LARGE1: variants seen among roughly 807,000 people sequenced by gnomAD.
LARGE1 encodes the protein xylosyl- and glucuronyltransferase LARGE1.
A neutral mutation model predicts 87.6 loss-of-function variants in LARGE1; 43 were observed. The observed-to-expected ratio is 0.49, with a 90% confidence interval of 0.38 to 0.63. The LOEUF is 0.63. Among genes scored for constraint, LARGE1 ranks in the 30% least tolerant of loss-of-function variants. The pLI is 0.00. For synonymous variants in LARGE1, 434 were observed against 394.6 expected, an observed-to-expected ratio of 1.10 and a Z score of -1.18; for missense variants, 802 against 1,000.2, an observed-to-expected ratio of 0.80 and a Z score of 2.67.
chr22:33,316,020 A>C, intron 11 of LARGE1, 65 bp downstream of exon 11: 7 of 1,548,834 alleles, frequency 4.5e-6, no homozygotes, highest in Non-Finnish European at 5.3e-6. Context: ...ACCCTTCTCC[A>C]TTCTCTATCC....
At chr22:33,481,187 T>A (rs1311588703) in intron 6 of LARGE1, among the ~76,000 whole-genome samples, 1 of 151,446 alleles carries the variant, frequency 6.6e-6, no homozygotes, top group Non-Finnish European at 1.5e-5. Context: ...GTATTTACAT[T>A]TTTCATACCT....
intron 1 of LARGE1, among the ~76,000 whole-genome samples, chr22:33,789,830 T>C (rs150607733): frequency 6.6e-6 from 1 of 152,356 alleles, no homozygotes; most frequent in African/African-American, 2.4e-5. Flanking sequence ...CCATTGTATC[T>C]AGGAAGTAAC....
the LARGE1 span, among the ~76,000 whole-genome samples, chr22:33,093,263 G>C: frequency 6.6e-6 from 1 of 152,188 alleles, no homozygotes; most frequent in Non-Finnish European, 1.5e-5. Context: ...CCGAATGGTT[G>C]TAACTGTAAG....
At chr22:33,447,596 CAACA>C (rs2067735725) in intron 6 of LARGE1, among the ~76,000 whole-genome samples, 1 of 152,212 alleles carries the variant, frequency 6.6e-6, no homozygotes, top group South Asian at 2.1e-4. Context: ...GTTACAAAGG[CAACA>C]CTTTGGCTTG....
chr22:33,670,733 A>G (rs2081383463), intron 2 of LARGE1, among the ~76,000 whole-genome samples: 1 of 152,204 alleles, frequency 6.6e-6, no homozygotes, highest in African/African-American at 2.4e-5. Flanking sequence ...TCAGTGTGCA[A>G]CGCCTGTCCA....
chr22:33,219,702 C>G (rs1353267970), intron 11 of LARGE1, among the ~76,000 whole-genome samples: 1 of 152,152 alleles, frequency 6.6e-6, no homozygotes, highest in East Asian at 1.9e-4. Context: ...ATTCTTGAGT[C>G]AGAAAGGTGT....
chr22:33,902,050 T>C (rs1053432493), intron 1 of LARGE1, among the ~76,000 whole-genome samples: 1 of 152,206 alleles, frequency 6.6e-6, no homozygotes, highest in African/African-American at 2.4e-5. Context: ...AACTTCTTGA[T>C]AAAGTGGAAC....
the LARGE1 span, among the ~76,000 whole-genome samples, chr22:33,118,101 G>A: frequency 6.6e-6 from 1 of 152,166 alleles, no homozygotes; most frequent in East Asian, 1.9e-4. Flanking sequence ...AGGACCAGAG[G>A]CAGGGTGGGG....
At chr22:33,111,002 T>C in the LARGE1 span, among the ~76,000 whole-genome samples, 4 of 152,190 alleles carry the variant, frequency 2.6e-5, no homozygotes, top group Non-Finnish European at 5.9e-5. Context: ...AGCTGTATGA[T>C]GTGTGTTGAG....
intron 1 of LARGE1, among the ~76,000 whole-genome samples, chr22:33,774,635 G>A (rs1457527603): frequency 6.6e-6 from 1 of 152,172 alleles, no homozygotes; most frequent in Non-Finnish European, 1.5e-5. Flanking sequence ...TGGGATTACA[G>A]GTGTCAGCCA....
chr22:33,859,156 T>C (rs2063841308), intron 1 of LARGE1, among the ~76,000 whole-genome samples: 2 of 152,164 alleles, frequency 1.3e-5, no homozygotes, highest in Admixed American at 1.3e-4. Flanking sequence ...TAACTGCACG[T>C]TCTGCACATG....
At chr22:33,768,699 C>T (rs9609866) in intron 1 of LARGE1, among the ~76,000 whole-genome samples, 19,542 of 152,238 alleles carry the variant, frequency 0.13, 1,470 homozygotes, top group Middle Eastern at 0.23. Context: ...AAAACCCCTT[C>T]TGGGCAAAGG....
intron 6 of LARGE1, among the ~76,000 whole-genome samples, chr22:33,460,731 T>TA (rs1278126953): frequency 3.9e-5 from 6 of 152,086 alleles, no homozygotes; most frequent in African/African-American, 1.4e-4. Flanking sequence ...CAGGATTACA[T>TA]AAAAACACCC....
At chr22:33,499,308 G>A (rs982058864) in intron 6 of LARGE1, among the ~76,000 whole-genome samples, 5 of 152,336 alleles carry the variant, frequency 3.3e-5, no homozygotes, top group East Asian at 3.9e-4. Context: ...GCAGCCGTTC[G>A]GTTTAGATGG....
At chr22:33,916,154 G>A (rs2065781164) in intron 1 of LARGE1, among the ~76,000 whole-genome samples, 1 of 151,972 alleles carries the variant, frequency 6.6e-6, no homozygotes, top group East Asian at 1.9e-4. Flanking sequence ...GGGGGCGGGC[G>A]CCTGTAATCC....
At position 33,765,878 on chromosome 22, in the gene LARGE1, A is replaced by G. The variant is rs2084886539; in HGVS notation, c.-82-4320T>C. ...TTCCTCTCTCCATCTGCAGAAGTTA[A>G]TATCAACACATACAATTTGTAGAAA... On this transcript the variant is annotated intron_variant, in intron 1 of 14. Coordinates refer to ENST00000397394, the MANE Select transcript of LARGE1 (RefSeq NM_133642.5). 2.6e-5 allele frequency among the ~76,000 whole-genome samples: 4 copies of G among 152,318 alleles called. No homozygotes were observed. The South Asian group carries it at 6.2e-4, about 24-fold the overall frequency.
chr22:33,450,777 A>G (rs1324227853), intron 6 of LARGE1, among the ~76,000 whole-genome samples: 1 of 152,208 alleles, frequency 6.6e-6, no homozygotes, highest in Non-Finnish European at 1.5e-5. Flanking sequence ...ACAGATGAGT[A>G]AAGGCCAGAA....
chr22:33,672,621 C>T (rs1199305957), intron 2 of LARGE1, among the ~76,000 whole-genome samples: 1 of 152,186 alleles, frequency 6.6e-6, no homozygotes, highest in Admixed American at 6.5e-5. Context: ...GAGACACATT[C>T]TCTAAACTGT....
chr22:33,457,293 C>CTTTTTTTTTTTTTTTT (rs759460321), intron 6 of LARGE1, among the ~76,000 whole-genome samples: 11 of 74,924 alleles, frequency 1.5e-4, no homozygotes, highest in African/African-American at 3.9e-4. Context: ...ACGCCTGGCT[C>CTTTTTTTTTTTTTTTT]TTTTTTTTTT....
Sources: allele counts gnomAD v4.1 joint callset (sites outside exome capture counted in the v4.1 genomes callset), GRCh38; gene constraint gnomAD v4.1.1; transcripts MANE v1.5; gene names NCBI Gene and HGNC (gene_info 2026-07-23, HGNC 2026-07-21).